PLEKHD1: variants seen among roughly 807,000 people sequenced by gnomAD.
The protein encoded by PLEKHD1 is pleckstrin homology and coiled-coil domain containing D1.
In PLEKHD1, 51 loss-of-function variants were observed where a neutral mutation model predicts 69.2. The ratio of observed to expected loss-of-function variants is 0.74; its 90% CI spans 0.59 to 0.93. The LOEUF (loss-of-function observed/expected upper bound fraction) is 0.93. PLEKHD1 is among the 40% of genes least tolerant of loss of function. PLEKHD1 has a pLI of 0.00. For missense variants in PLEKHD1, 584 were observed against 641.0 expected (o/e 0.91, Z 0.96); for synonymous variants, 236 against 244.7 (o/e 0.96, Z 0.33).
At chr14:69,491,390 T>C (rs888475771) in intron 1 of PLEKHD1, among the ~76,000 whole-genome samples, 7 of 152,318 alleles carry the variant, frequency 4.6e-5, no homozygotes, top group Admixed American at 1.3e-4. Flanking sequence ...TCACCAGAGA[T>C]GGTGACATCA....
intron 7 of PLEKHD1, among the ~76,000 whole-genome samples, chr14:69,523,856 G>A (rs1481912895): frequency 6.6e-6 from 1 of 152,144 alleles, no homozygotes; most frequent in Admixed American, 6.5e-5. Context: ...ACCCAAAGAG[G>A]GGCCTTAGCC....
intron 6 of PLEKHD1, among the ~76,000 whole-genome samples, chr14:69,504,805 G>T (rs1255976877): frequency 6.6e-6 from 1 of 152,174 alleles, no homozygotes; most frequent in Non-Finnish European, 1.5e-5. Flanking sequence ...CACCAGAGTT[G>T]GTCCTCTGTG....
chr14:69,522,355 A>T lies in PLEKHD1; in HGVS notation c.628A>T (p.Met210Leu). ...QFEEVVQELR[M>L]EQEQIKRELE... ...CGAGGAGGTGGTGCAGGAGCTGAGA[A>T]TGGAGCAGGAGCAGATCAAGAGGTG... Residue 210 changes from methionine to leucine, a missense_variant, in exon 7 of 13, where the codon ATG (methionine) becomes TTG (leucine). Physicochemically the swap from Met to Leu is conservative, Grantham distance 15. Coordinates refer to ENST00000322564, the MANE Select transcript of PLEKHD1 (RefSeq NM_001161498.2). 6.4e-7 allele frequency: 1 copy of T among 1,551,474 alleles called. No individual in the cohort carries two copies. The highest frequency in any genetic ancestry group is 8.7e-7 in the Non-Finnish European group (1 of 1,146,878).
chr14:69,523,930 T>G (rs1883578928), intron 7 of PLEKHD1, among the ~76,000 whole-genome samples: 1 of 152,190 alleles, frequency 6.6e-6, no homozygotes, highest in African/African-American at 2.4e-5. Context: ...AGGGTGAGGC[T>G]GGGGCCCCTT....
chr14:69,498,901 G>T (rs1279384628), intron 1 of PLEKHD1, among the ~76,000 whole-genome samples: 1 of 152,090 alleles, frequency 6.6e-6, no homozygotes, highest in Admixed American at 6.5e-5. Context: ...GCCCGCCTCA[G>T]CCTCCCAAAA....
rs1318499568 is a variant in PLEKHD1 at position 69,526,033 on chromosome 14, C to A, written c.834C>A (p.Pro278=). 1 of 1,551,622 alleles carries A rather than the reference C, an allele frequency of 6.4e-7. No individual in the cohort carries two copies. The highest frequency in any genetic ancestry group is 8.7e-7 in the Non-Finnish European group (1 of 1,146,970). ...CACTGGCCAATCAGAGTGAGCAGCC[C>A]CCTCCCAGTGGGGGCCTCCATAGCA... The part of the protein sequence containing the change: ...LQTLANQSEQ[P]PPSGGLHSNL... The change falls in exon 9 of 13, where the codon CCC becomes CCA. Residue 278 remains proline (P), a synonymous_variant. Coordinates refer to ENST00000322564, the MANE Select transcript of PLEKHD1 (RefSeq NM_001161498.2).
chr14:69,508,633 G>A (rs566277185), intron 6 of PLEKHD1, among the ~76,000 whole-genome samples: 2 of 152,206 alleles, frequency 1.3e-5, no homozygotes, highest in South Asian at 4.2e-4. Flanking sequence ...CTGAACAAAT[G>A]GGGGCAAACA....
intron 1 of PLEKHD1, among the ~76,000 whole-genome samples, chr14:69,495,936 T>A (rs1882879368): frequency 6.6e-6 from 1 of 152,228 alleles, no homozygotes; most frequent in South Asian, 2.1e-4. Flanking sequence ...TACATGCAAG[T>A]AGTGTAAGCT....
the PLEKHD1 span, among the ~76,000 whole-genome samples, chr14:69,479,451 T>C: frequency 7.2e-5 from 11 of 152,108 alleles, no homozygotes; most frequent in African/African-American, 2.6e-4. Context: ...CTGGATTATT[T>C]AGGGAGTCAG....
At chr14:69,480,743 C>T (rs1882527125), upstream of PLEKHD1, among the ~76,000 whole-genome samples, 2 of 152,148 alleles carry the variant, frequency 1.3e-5, no homozygotes, top group South Asian at 4.1e-4. Flanking sequence ...ACCTCTGCCT[C>T]CCAGGCTCAA....
At chr14:69,512,602 G>A (rs558769690) in intron 6 of PLEKHD1, among the ~76,000 whole-genome samples, 18 of 152,030 alleles carry the variant, frequency 1.2e-4, no homozygotes, top group African/African-American at 4.3e-4. Context: ...TTAGTTCAAA[G>A]TATCTTTAGA....
intron 6 of PLEKHD1, among the ~76,000 whole-genome samples, chr14:69,507,253 A>C: frequency 6.6e-6 from 1 of 152,162 alleles, no homozygotes; most frequent in East Asian, 1.9e-4. Flanking sequence ...AGCTGGAGTC[A>C]TATGGTATGT....
In PLEKHD1 at chr14:69,517,004, G is replaced by A. The variant is rs539643456; in HGVS notation, c.556-5279G>A. On this transcript the variant is annotated intron_variant, in intron 6 of 12. Coordinates refer to ENST00000322564, the MANE Select transcript of PLEKHD1 (RefSeq NM_001161498.2). The stretch of plus-strand genomic sequence containing the variant: ...GCAATATGGAGAAAAGGATGAAGGC[G>A]GGCCAGAAAGAGTGCAAAGAGCCCA... Among the ~76,000 whole-genome samples, 9 of 152,272 alleles carry A rather than the reference G, an allele frequency of 5.9e-5. No homozygotes were observed. The East Asian group carries it at 9.7e-4, about 16-fold the overall frequency.
chr14:69,528,254 G>A lies in PLEKHD1; in HGVS notation c.1356G>A (p.Lys452=). 1 of 1,551,652 alleles carries A rather than the reference G, an allele frequency of 6.4e-7. No individual in the cohort carries two copies. The change falls in exon 13 of 13, where the codon AAG becomes AAA. Residue 452 remains lysine (K), a synonymous_variant. Transcript: ENST00000322564. Reference sequence around the variant, plus strand: ...GTTGGGCTCCTGTTTCCCCAGTGAAGCCGTCCCAGTCCTTCATGACCTCCC... The same window carrying A: ...GTTGGGCTCCTGTTTCCCCAGTGAAACCGTCCCAGTCCTTCATGACCTCCC... The part of the protein sequence containing the change: ...RRSSTSWNDM[K]PSQSFMTSQL...
intron 1 of PLEKHD1, among the ~76,000 whole-genome samples, chr14:69,488,905 C>T (rs959975414): frequency 6.6e-6 from 1 of 152,168 alleles, no homozygotes; most frequent in Non-Finnish European, 1.5e-5. Context: ...CTACCCATCA[C>T]CCTCTTCCCT....
In PLEKHD1 at chr14:69,512,899, GA is replaced by G. The variant is rs542357711; in HGVS notation, c.556-9372del. Among the ~76,000 whole-genome samples, 1,195 of 124,386 alleles carry G rather than the reference GA, an allele frequency of 9.6e-3. 9 individuals carry two copies. Among genetic ancestry groups the G allele is most frequent in the South Asian group, 0.03 (121 of 3,986 alleles). 81.6% of individuals were successfully genotyped at this position (124,386 alleles called of 152,430 possible). On this transcript the variant is annotated intron_variant, in intron 6 of 12. Coordinates refer to ENST00000322564, the MANE Select transcript of PLEKHD1 (RefSeq NM_001161498.2). ...CAACACAGCAAGGCCCAGTCTCTAA[GA>G]AAAAAAAAAAAGAGAGAGAGAGAAA...
At position 69,500,139 on chromosome 14, in the gene PLEKHD1, T is replaced by G; in HGVS notation, c.174T>G (p.Phe58Leu). ...GGTTTTTCATCATCAAAGAGAGCTTTCTGCTTTACTACTCTGAGAGCGAAA... is the reference window on the plus strand; with the variant it reads ...GGTTTTTCATCATCAAAGAGAGCTTGCTGCTTTACTACTCTGAGAGCGAAA... ...SRRFFIIKES[F>L]LLYYSESEKK... The change falls in exon 2 of 13, where the codon TTT (phenylalanine) becomes TTG (leucine). Residue 58 changes from phenylalanine to leucine, a missense_variant. Phe to Leu is a conservative substitution (Grantham distance 22). Transcript: ENST00000322564. The G allele has an allele frequency of 6.5e-7, 1 of 1,550,234 alleles. No individual in the cohort carries two copies. The highest frequency in any genetic ancestry group is 2.4e-5 in the East Asian group (1 of 40,920).
At chr14:69,527,356 GCCC>G in intron 11 of PLEKHD1, 24 bp downstream of exon 11, 1 of 1,551,080 alleles carries the variant, frequency 6.4e-7, no homozygotes, top group Non-Finnish European at 8.7e-7. Flanking sequence ...CTAGGCCCTG[GCCC>G]CCAGCTTTGG....
intron 6 of PLEKHD1, among the ~76,000 whole-genome samples, chr14:69,511,889 G>A (rs1316888451): frequency 6.6e-6 from 1 of 152,096 alleles, no homozygotes; most frequent in Non-Finnish European, 1.5e-5. Flanking sequence ...TTAGGTTTTG[G>A]TAAGGTAATT....
Sources: allele counts gnomAD v4.1 joint callset (sites outside exome capture counted in the v4.1 genomes callset), GRCh38; gene constraint gnomAD v4.1.1; transcripts MANE v1.5; gene names NCBI Gene and HGNC (gene_info 2026-07-23, HGNC 2026-07-21).